Variants in ATAD2B observed in about 807,000 individuals in gnomAD.
The protein encoded by ATAD2B is ATPase family AAA domain-containing protein 2B.
Under a neutral mutation model 167.6 loss-of-function variants are expected in ATAD2B, and 40 were observed. The observed-to-expected ratio is 0.24, with a 90% CI of 0.19 to 0.31. The LOEUF (loss-of-function observed/expected upper bound fraction) is 0.31, where lower values mean the gene tolerates loss of function less well. Among genes scored for constraint, ATAD2B ranks in the 10% least tolerant of loss-of-function variants. The pLI, the probability that ATAD2B is intolerant of heterozygous loss-of-function variation, is 1.00. For missense variants in ATAD2B, 1,242 were observed against 1,757.2 expected, an observed-to-expected ratio of 0.71 and a Z score of 5.24; for synonymous variants, 579 against 596.5, an observed-to-expected ratio of 0.97 and a Z score of 0.43.
At chr2:23,761,836 G>A (rs940239964) in intron 24 of ATAD2B, among the ~76,000 whole-genome samples, 11 of 152,080 alleles carry the variant, frequency 7.2e-5, no homozygotes, top group Admixed American at 1.3e-4. Flanking sequence ...ACCCACATGC[G>A]GGAGTGTCCA....
At chr2:23,892,685 G>T (rs1699707221) in intron 2 of ATAD2B, among the ~76,000 whole-genome samples, 1 of 151,044 alleles carries the variant, frequency 6.6e-6, no homozygotes, top group African/African-American at 2.4e-5. Flanking sequence ...GGCCAGACTG[G>T]TCTCCAACTC....
chr2:23,758,732 A>G (rs1676258805), intron 24 of ATAD2B, among the ~76,000 whole-genome samples: 1 of 152,218 alleles, frequency 6.6e-6, no homozygotes, highest in Admixed American at 6.5e-5. Flanking sequence ...TTCACCCAGC[A>G]GCATCAATTT....
At chr2:23,698,106 C>T in the ATAD2B span, among the ~76,000 whole-genome samples, 3 of 152,214 alleles carry the variant, frequency 2.0e-5, no homozygotes, top group Non-Finnish European at 2.9e-5. Context: ...AGCAGTTCTC[C>T]AAGACCAGGG....
chr2:23,758,202 T>C lies in ATAD2B; in HGVS notation c.3395-101A>G, dbSNP rs551134728. The C allele has an allele frequency of 3.1e-6, 3 of 965,422 alleles. No homozygotes were observed. In the African/African-American group the frequency reaches 5.0e-5, roughly 16 times the overall value. The allele number at this position is 965,422 out of a possible 1,614,324, so 59.8% of individuals were successfully genotyped here. A position where few individuals can be genotyped will look rare whatever the true frequency, so the allele number is the denominator to read the frequency against. ...GACCCAAAAGAAAGTAAACCCATGC[T>C]GATGTAACACACAAAAACTACTTAG... On this transcript the variant is annotated intron_variant, in intron 24 of 27. Transcript: ENST00000238789.
intron 16 of ATAD2B, 92 bp from the exon 17 acceptor site, chr2:23,819,974 A>G: frequency 1.2e-6 from 1 of 829,544 alleles, no homozygotes; most frequent in Non-Finnish European, 1.8e-6. Flanking sequence ...TTAAAAAATC[A>G]AATGACATTA....
chr2:23,896,440 C>T (rs1700164756), intron 1 of ATAD2B, among the ~76,000 whole-genome samples: 2 of 151,618 alleles, frequency 1.3e-5, no homozygotes, highest in African/African-American at 4.8e-5. Context: ...AATATAAAAA[C>T]AAGAAAGATT....
In ATAD2B at chr2:23,926,603, G is replaced by A; in HGVS notation, c.168C>T (p.Ala56=). 1.3e-6 allele frequency: 2 copies of A among 1,563,264 alleles called. No homozygotes were observed. Among genetic ancestry groups the A allele is most frequent in the Non-Finnish European group, 1.7e-6 (2 of 1,155,556 alleles). The part of the protein sequence containing the change: ...SKTRAASCPA[A]KAGGSGGAGV... ...CGGCGCCACCGCTTCCCCCGGCTTT[G>A]GCGGCGGGGCAGCTGGCGGCGCGGG... The change falls in exon 1 of 28, where the codon GCC becomes GCT. Residue 56 remains alanine, a synonymous_variant. Transcript: ENST00000238789.
chr2:23,707,587 T>C, the ATAD2B span: 1 of 152,090 alleles, frequency 6.6e-6, no homozygotes, highest in African/African-American at 2.4e-5. Context: ...GACAGCCCCA[T>C]AAAAGCTGTG....
intron 22 of ATAD2B, among the ~76,000 whole-genome samples, chr2:23,777,916 G>A (rs1029301518): frequency 2.6e-5 from 4 of 152,160 alleles, no homozygotes; most frequent in South Asian, 2.1e-4. Context: ...CTTAGGCAAC[G>A]TGTATATCTT....
In ATAD2B at chr2:23,926,576, G is replaced by A. The variant is rs1273503043; in HGVS notation, c.195C>T (p.Gly65=). Residue 65 remains glycine (G), a synonymous_variant, in exon 1 of 28, where the codon GGC becomes GGT. Coordinates refer to ENST00000238789, the MANE Select transcript of ATAD2B (RefSeq NM_017552.4). ...AAKAGGSGGA[G]VTLDEARKVE... The stretch of plus-strand genomic sequence containing the variant: ...TTACCCTGGCCTCATCCAGAGTGAC[G>A]CCGGCGCCACCGCTTCCCCCGGCTT... 2 of 1,554,650 alleles carry A rather than the reference G, an allele frequency of 1.3e-6. No individual in the cohort carries two copies. The highest frequency in any genetic ancestry group is 1.7e-6 in the Non-Finnish European group (2 of 1,150,898).
the ATAD2B span, among the ~76,000 whole-genome samples, chr2:23,679,051 T>TAAA: frequency 2.1e-5 from 3 of 141,742 alleles, no homozygotes; most frequent in African/African-American, 2.8e-5. Context: ...TTACCACAAC[T>TAAA]AAAAAAAAAA....
chr2:23,757,392 G>A, intron 25 of ATAD2B, 26 bp downstream of exon 25: 3 of 1,454,936 alleles, frequency 2.1e-6, no homozygotes, highest in Non-Finnish European at 9.1e-7. Context: ...TAAACCTTCA[G>A]AAGATTTTTC....
At chr2:23,818,127 CACACACACACACACAGAG>C (rs1558591116) in intron 17 of ATAD2B, among the ~76,000 whole-genome samples, 1 of 134,410 alleles carries the variant, frequency 7.4e-6, no homozygotes, top group Non-Finnish European at 1.6e-5. Flanking sequence ...ACACATTACA[CACACACACACACACAGAG>C]AGAGAGAAGG....
chr2:23,902,007 GCTTTCAATTC>G (rs1257929856), intron 1 of ATAD2B, among the ~76,000 whole-genome samples: 1 of 152,038 alleles, frequency 6.6e-6, no homozygotes, highest in East Asian at 1.9e-4. Context: ...TATTCTACTG[GCTTTCAATTC>G]CATTCAGAAG....
the ATAD2B span, among the ~76,000 whole-genome samples, chr2:23,713,318 T>C: frequency 1.3e-5 from 2 of 152,130 alleles, no homozygotes; most frequent in African/African-American, 4.8e-5. Flanking sequence ...CCCTAAATTC[T>C]CCAGTCACTT....
the ATAD2B span, among the ~76,000 whole-genome samples, chr2:23,701,825 G>A: frequency 3.7e-4 from 34 of 92,574 alleles, no homozygotes; most frequent in Middle Eastern, 0.03. Context: ...TTTTTCAGAC[G>A]GAGTTTTGCT....
At chr2:23,852,357 T>C (rs1692702362) in intron 13 of ATAD2B, among the ~76,000 whole-genome samples, 1 of 151,942 alleles carries the variant, frequency 6.6e-6, no homozygotes, top group Non-Finnish European at 1.5e-5. Flanking sequence ...ACTCCTAGAC[T>C]CAAGAGATCC....
At chr2:23,783,526 T>C (rs993852525) in intron 21 of ATAD2B, among the ~76,000 whole-genome samples, 2 of 152,040 alleles carry the variant, frequency 1.3e-5, no homozygotes, top group Non-Finnish European at 2.9e-5. Context: ...TCCTTTGGAG[T>C]CATCACAAAC....
At chr2:23,713,297 T>C in the ATAD2B span, among the ~76,000 whole-genome samples, 11 of 152,222 alleles carry the variant, frequency 7.2e-5, no homozygotes, top group African/African-American at 1.9e-4. Flanking sequence ...ACTGAGGCTC[T>C]TCAATTCACC....
Sources: gnomAD v4.1 joint callset for allele counts (sites outside exome capture counted in the v4.1 genomes callset) on GRCh38, gnomAD v4.1.1 for gene constraint, MANE v1.5 for transcripts, NCBI Gene and HGNC (gene_info 2026-07-23, HGNC 2026-07-21) for gene names.